Variants in SNTB1 observed in about 807,000 individuals in gnomAD.
SNTB1 encodes the protein syntrophin beta 1, also known as beta-1-syntrophin.
SNTB1 carries 36 observed loss-of-function variants against 48.9 expected under a neutral mutation model. That is an observed-to-expected ratio of 0.74 (90% CI 0.56 to 0.97). SNTB1 has a LOEUF of 0.97. Ranked by LOEUF, SNTB1 falls within the 50% of genes least tolerant of loss-of-function variation. SNTB1 has a pLI of 0.00. For synonymous variants in SNTB1, 299 were observed against 294.6 expected (o/e 1.01, Z -0.15); for missense variants, 786 against 703.4 (o/e 1.12, Z -1.33).
intron 2 of SNTB1, among the ~76,000 whole-genome samples, chr8:120,675,866 A>G (rs1817825274): frequency 6.6e-6 from 1 of 152,200 alleles, no homozygotes; most frequent in African/African-American, 2.4e-5. Context: ...GCATTTCTTG[A>G]GCTTCTACCA....
intron 1 of SNTB1, among the ~76,000 whole-genome samples, chr8:120,783,917 A>T (rs1475040538): frequency 6.6e-6 from 1 of 152,254 alleles, no homozygotes; most frequent in East Asian, 1.9e-4. Context: ...ACTAGGTATT[A>T]TAAGTAATCT....
chr8:120,651,732 G>A (rs1018458438), intron 2 of SNTB1, among the ~76,000 whole-genome samples: 1 of 151,966 alleles, frequency 6.6e-6, no homozygotes, highest in Non-Finnish European at 1.5e-5. Context: ...TAGGGAGAAG[G>A]AGAGAAAAAG....
At chr8:120,701,487 A>G (rs1280031917) in intron 1 of SNTB1, among the ~76,000 whole-genome samples, 1 of 152,204 alleles carries the variant, frequency 6.6e-6, no homozygotes. Flanking sequence ...GTTTTACCTC[A>G]TCTTGCTACT....
chr8:120,723,697 T>A (rs752745260), intron 1 of SNTB1, among the ~76,000 whole-genome samples: 1 of 152,178 alleles, frequency 6.6e-6, no homozygotes, highest in Non-Finnish European at 1.5e-5. Flanking sequence ...AAAAGCTGTA[T>A]ATCCCTGGGC....
chr8:120,799,544 T>C (rs1244421747), intron 1 of SNTB1, among the ~76,000 whole-genome samples: 1 of 151,120 alleles, frequency 6.6e-6, no homozygotes, highest in African/African-American at 2.4e-5. Context: ...GAAAAATCAA[T>C]ACAAGAGTTG....
At chr8:120,580,554 A>G (rs1432839696) in intron 3 of SNTB1, among the ~76,000 whole-genome samples, 1 of 152,196 alleles carries the variant, frequency 6.6e-6, no homozygotes, top group Non-Finnish European at 1.5e-5. Context: ...GTCTAGATGT[A>G]AGGGACAGAG....
chr8:120,785,461 C>A (rs578212554), intron 1 of SNTB1, among the ~76,000 whole-genome samples: 1 of 152,338 alleles, frequency 6.6e-6, no homozygotes, highest in African/African-American at 2.4e-5. Flanking sequence ...CTGCCACCTG[C>A]TACTCCCCGA....
chr8:120,583,755 T>A (rs1268039081), intron 3 of SNTB1, among the ~76,000 whole-genome samples: 1 of 152,112 alleles, frequency 6.6e-6, no homozygotes, highest in African/African-American at 2.4e-5. Context: ...AGACTAGACT[T>A]ACGCTGATCC....
rs4870742 is a variant in SNTB1 at position 120,664,673 on chromosome 8, G to T, written c.788+29019C>A. 3.8e-3 allele frequency among the ~76,000 whole-genome samples: 576 copies of T among 152,092 alleles called. 5 individuals are homozygous for T. Among genetic ancestry groups the T allele is most frequent in the African/African-American group, 0.013 (550 of 41,484 alleles). On this transcript the variant is annotated intron_variant, in intron 2 of 6. Transcript: ENST00000517992. Reference sequence around the variant, plus strand: ...AGCACTGTTTGTTTATTCACCCTTCGATGGGAAAGTGGGTTGTTTCTAGTT... The same window carrying T: ...AGCACTGTTTGTTTATTCACCCTTCTATGGGAAAGTGGGTTGTTTCTAGTT...
intron 2 of SNTB1, among the ~76,000 whole-genome samples, chr8:120,669,058 C>G (rs1817718236): frequency 6.6e-6 from 1 of 152,214 alleles, no homozygotes. Flanking sequence ...ATACAACCAT[C>G]AACCATCTCC....
intron 1 of SNTB1, among the ~76,000 whole-genome samples, chr8:120,753,436 C>T (rs531898673): frequency 3.8e-4 from 58 of 152,168 alleles, no homozygotes; most frequent in Non-Finnish European, 5.9e-4. Context: ...CAGTTCAAGT[C>T]CTTCACCTTC....
At chr8:120,678,442 C>T (rs1033989572) in intron 2 of SNTB1, among the ~76,000 whole-genome samples, 5 of 152,178 alleles carry the variant, frequency 3.3e-5, no homozygotes, top group African/African-American at 9.7e-5. Context: ...AGCTAAGCTG[C>T]CCTGTTCTCT....
intron 1 of SNTB1, among the ~76,000 whole-genome samples, chr8:120,763,948 A>G (rs1587142295): frequency 6.6e-6 from 1 of 152,284 alleles, no homozygotes; most frequent in African/African-American, 2.4e-5. Flanking sequence ...CACACAATGT[A>G]ATGAGCAAAA....
intron 3 of SNTB1, among the ~76,000 whole-genome samples, chr8:120,615,450 G>A (rs1226816996): frequency 1.3e-5 from 2 of 152,186 alleles, no homozygotes; most frequent in Non-Finnish European, 2.9e-5. Context: ...AGTAGCCATT[G>A]GGGAAGATGA....
In SNTB1 at chr8:120,736,246, A is replaced by G. The variant is rs144390167; in HGVS notation, c.572-42338T>C. On this transcript the variant is annotated intron_variant, in intron 1 of 6. Transcript: ENST00000517992. ...GCCTCTCCCTTGACACGTGGGGATT[A>G]TGGGGATTACCATTCAAGATGCGAT... Among the ~76,000 whole-genome samples the G allele has an allele frequency of 4.7e-3, 713 of 152,256 alleles. 6 individuals are homozygous for G. Among genetic ancestry groups the G allele is most frequent in the African/African-American group, 0.016 (664 of 41,568 alleles).
chr8:120,601,479 G>A (rs1816421142), intron 3 of SNTB1, among the ~76,000 whole-genome samples: 4 of 152,144 alleles, frequency 2.6e-5, no homozygotes, highest in Admixed American at 2.6e-4. Flanking sequence ...CTCTAATCCA[G>A]TTGAGAGTTT....
chr8:120,659,366 T>C (rs574677722), intron 2 of SNTB1, among the ~76,000 whole-genome samples: 1 of 152,306 alleles, frequency 6.6e-6, no homozygotes, highest in Non-Finnish European at 1.5e-5. Flanking sequence ...TTTTTGCTCA[T>C]CCATAAGAAA....
Position 120,719,603 on chromosome 8 carries a change from C to G in SNTB1, c.572-25695G>C, listed in dbSNP as rs555870141. Among the ~76,000 whole-genome samples the G allele has an allele frequency of 2.0e-5, 3 of 152,266 alleles. No homozygotes were observed. The East Asian group carries it at 5.8e-4, about 29-fold the overall frequency. ...ATCATTGCTCCATGTAATTCTCCCCCAAAGCTATGACGTTCAGCTGAAGAA... is the reference window on the plus strand; with the variant it reads ...ATCATTGCTCCATGTAATTCTCCCCGAAAGCTATGACGTTCAGCTGAAGAA... On this transcript the variant is annotated intron_variant, in intron 1 of 6. Coordinates refer to ENST00000517992, the MANE Select transcript of SNTB1 (RefSeq NM_021021.4).
chr8:120,555,904 C>T lies in SNTB1; in HGVS notation c.1137-6946G>A, dbSNP rs10086884. 5.3e-3 allele frequency among the ~76,000 whole-genome samples: 811 copies of T among 152,232 alleles called. 5 individuals carry two copies. The highest frequency in any genetic ancestry group is 0.019 in the African/African-American group (779 of 41,524). ...AGGACACAGAAAGAGGGCAGCCATC[C>T]GCAAGCCAGGAAGACAGTCCTCACC... On this transcript the variant is annotated intron_variant, in intron 4 of 6. Transcript: ENST00000517992.
Sources: gnomAD v4.1 joint callset for allele counts (sites outside exome capture counted in the v4.1 genomes callset) on GRCh38, gnomAD v4.1.1 for gene constraint, MANE v1.5 for transcripts, NCBI Gene and HGNC (gene_info 2026-07-23, HGNC 2026-07-21) for gene names.